Variants in CASD1 observed in about 807,000 individuals in gnomAD.
The protein encoded by CASD1 is N-acetylneuraminate (7)9-O-acetyltransferase.
CASD1 carries 41 observed loss-of-function variants against 100.0 expected under a neutral mutation model. That is an observed-to-expected ratio of 0.41 (90% CI 0.32 to 0.53). The LOEUF (loss-of-function observed/expected upper bound fraction) is 0.53. Among genes scored for constraint, CASD1 ranks in the 20% least tolerant of loss-of-function variants. The probability of loss-of-function intolerance (pLI) is 0.25; values close to 1 mark genes in which losing one functional copy is unlikely to be tolerated. For missense variants in CASD1, 774 were observed against 948.7 expected (o/e 0.82, Z 2.42); for synonymous variants, 321 against 315.6 (o/e 1.02, Z -0.18).
the CASD1 span, among the ~76,000 whole-genome samples, chr7:94,604,858 T>TATATATATATATATAA: frequency 1.3e-5 from 1 of 75,226 alleles, no homozygotes; most frequent in Non-Finnish European, 2.7e-5. Context: ...TATATATATA[T>TATATATATATATATAA]AATAGTTGTT....
At chr7:94,531,864 C>A (rs71562860) in intron 5 of CASD1, among the ~76,000 whole-genome samples, 1 of 151,826 alleles carries the variant, frequency 6.6e-6, no homozygotes, top group Non-Finnish European at 1.5e-5. Context: ...ACTTAAGTTC[C>A]GACTTACCTG....
the CASD1 span, among the ~76,000 whole-genome samples, chr7:94,612,608 G>A: frequency 1.3e-5 from 2 of 152,096 alleles, no homozygotes; most frequent in African/African-American, 4.8e-5. Context: ...ATATTACAAA[G>A]ACTATCTCTG....
chr7:94,575,565 G>T, the CASD1 span, among the ~76,000 whole-genome samples: 1 of 152,232 alleles, frequency 6.6e-6, no homozygotes, highest in East Asian at 1.9e-4. Context: ...GATCCATTTG[G>T]TCCAGTGTTG....
At chr7:94,600,658 C>A in the CASD1 span, 1 of 1,612,714 alleles carries the variant, frequency 6.2e-7, no homozygotes, top group Non-Finnish European at 8.5e-7. Flanking sequence ...GCCTTCCCGT[C>A]GGCAGCACAT....
chr7:94,585,666 T>G, the CASD1 span: 1 of 644,968 alleles, frequency 1.6e-6, no homozygotes, highest in Non-Finnish European at 2.8e-6. Context: ...TGTATTTGGT[T>G]TTTTTAAAAA....
At position 94,512,732 on chromosome 7, in the gene CASD1, A is replaced by G. The variant is rs556020854; in HGVS notation, c.133+2515A>G. Among the ~76,000 whole-genome samples, 19 of 152,220 alleles carry G rather than the reference A, an allele frequency of 1.2e-4. No individual in the cohort carries two copies. The South Asian group carries it at 3.9e-3, about 32-fold the overall frequency. ...ATCTTTGTAATCAGGGTGAGTCTTTAAAACTTTGATTGCATGTCAAAGTTT... is the reference window on the plus strand; with the variant it reads ...ATCTTTGTAATCAGGGTGAGTCTTTGAAACTTTGATTGCATGTCAAAGTTT... On this transcript the variant is annotated intron_variant, in intron 1 of 17. Coordinates refer to ENST00000297273, the MANE Select transcript of CASD1 (RefSeq NM_022900.5).
chr7:94,534,714 TGAAAG>T (rs1308602078), intron 7 of CASD1, among the ~76,000 whole-genome samples: 1 of 152,158 alleles, frequency 6.6e-6, no homozygotes, highest in Non-Finnish European at 1.5e-5. Context: ...AATGTCAAGA[TGAAAG>T]GAATAAGAAA....
intron 14 of CASD1, among the ~76,000 whole-genome samples, chr7:94,550,959 A>G (rs906614182): frequency 4.6e-5 from 7 of 152,056 alleles, no homozygotes; most frequent in Admixed American, 4.6e-4. Flanking sequence ...TCTTTGTTTT[A>G]TTTGACTGAA....
intron 5 of CASD1, among the ~76,000 whole-genome samples, chr7:94,529,474 G>A (rs1794743546): frequency 6.6e-6 from 1 of 152,110 alleles, no homozygotes; most frequent in South Asian, 2.1e-4. Context: ...AATTTATTTA[G>A]GTAGATGACC....
the CASD1 span, chr7:94,600,398 T>C: frequency 2.2e-6 from 1 of 447,212 alleles, no homozygotes; most frequent in Non-Finnish European, 4.1e-6. Flanking sequence ...TGGGACTGTT[T>C]TGCCAGTGTG....
chr7:94,546,993 A>G (rs1795712327), intron 12 of CASD1, 103 bp from the exon 13 acceptor site: 13 of 638,010 alleles, frequency 2.0e-5, no homozygotes, highest in Non-Finnish European at 3.3e-5. Flanking sequence ...TTCTTATATT[A>G]TTTTAAGAAC....
intron 12 of CASD1, 85 bp from the exon 13 acceptor site, chr7:94,547,011 C>T: frequency 2.6e-6 from 2 of 757,678 alleles, no homozygotes; most frequent in Non-Finnish European, 4.2e-6. Context: ...AACTATTCAG[C>T]ATGTACATAT....
the CASD1 span, among the ~76,000 whole-genome samples, chr7:94,582,132 G>A: frequency 4.6e-5 from 7 of 152,054 alleles, no homozygotes; most frequent in Admixed American, 2.0e-4. Flanking sequence ...AATGATCAGC[G>A]ATGTTGAGCT....
the CASD1 span, among the ~76,000 whole-genome samples, chr7:94,591,561 A>G: frequency 6.6e-6 from 1 of 152,186 alleles, no homozygotes; most frequent in Non-Finnish European, 1.5e-5. Flanking sequence ...CATGTTTTCC[A>G]AAAGCACTAG....
chr7:94,541,890 T>C (rs1795422463), intron 10 of CASD1, among the ~76,000 whole-genome samples: 1 of 152,082 alleles, frequency 6.6e-6, no homozygotes, highest in African/African-American at 2.4e-5. Flanking sequence ...CACTGTCACA[T>C]GGTCTGCAAC....
chr7:94,512,550 A>G (rs1416882868), intron 1 of CASD1, among the ~76,000 whole-genome samples: 1 of 152,248 alleles, frequency 6.6e-6, no homozygotes, highest in African/African-American at 2.4e-5. Context: ...CACTACAGAA[A>G]GTAAAGCTTG....
chr7:94,539,678 A>AG (rs2116348711), intron 10 of CASD1, among the ~76,000 whole-genome samples: 1 of 151,846 alleles, frequency 6.6e-6, no homozygotes, highest in East Asian at 1.9e-4. Flanking sequence ...CAAAAAAAAA[A>AG]AAAAAAGAAA....
the CASD1 span, chr7:94,599,693 T>TTA: frequency 6.2e-7 from 1 of 1,609,476 alleles, no homozygotes; most frequent in Non-Finnish European, 8.5e-7. Flanking sequence ...AAGAAGACAC[T>TTA]TACTCTGGTG....
At chr7:94,624,188 TG>T in the CASD1 span, 3 of 395,724 alleles carry the variant, frequency 7.6e-6, no homozygotes, top group Non-Finnish European at 1.3e-5. Flanking sequence ...AACAAATGAT[TG>T]TGTCAAAATC....
Sources: allele counts gnomAD v4.1 joint callset (sites outside exome capture counted in the v4.1 genomes callset), GRCh38; gene constraint gnomAD v4.1.1; transcripts MANE v1.5; gene names NCBI Gene and HGNC (gene_info 2026-07-23, HGNC 2026-07-21).